THSD7A: variants seen among roughly 807,000 people sequenced by gnomAD.
THSD7A encodes thrombospondin type-1 domain-containing protein 7A.
Under a neutral mutation model 231.3 loss-of-function variants are expected in THSD7A, and 96 were observed. The observed-to-expected ratio is 0.41, with a 90% CI of 0.35 to 0.49. The LOEUF is 0.49. THSD7A is among the 20% of genes least tolerant of loss of function. The pLI is 0.05. For synonymous variants in THSD7A, 940 were observed against 743.3 expected (o/e 1.26, Z -4.30); for missense variants, 2,290 against 2,070.2 (o/e 1.11, Z -2.06).
At chr7:11,545,533 G>T (rs1789343319) in intron 4 of THSD7A, among the ~76,000 whole-genome samples, 1 of 152,120 alleles carries the variant, frequency 6.6e-6, no homozygotes, top group African/African-American at 2.4e-5. Context: ...ATTGAAGGTG[G>T]ACAGAGGGAG....
At chr7:11,405,301 A>C (rs1232060488) in intron 22 of THSD7A, among the ~76,000 whole-genome samples, 2 of 152,098 alleles carry the variant, frequency 1.3e-5, no homozygotes. Flanking sequence ...CTTAAATCAC[A>C]TCCTTTTATA....
intron 4 of THSD7A, among the ~76,000 whole-genome samples, chr7:11,589,638 A>G (rs776543792): frequency 1.2e-4 from 19 of 152,196 alleles, no homozygotes; most frequent in Non-Finnish European, 2.4e-4. Flanking sequence ...AACAAATTGT[A>G]TATGTTAATA....
Position 11,530,797 on chromosome 7 carries a change from G to GGTCA in THSD7A, c.1822+10618_1822+10621dup, listed in dbSNP as rs1400476557. 9.2e-5 allele frequency among the ~76,000 whole-genome samples: 14 copies of GGTCA among 152,232 alleles called. No individual in the cohort carries two copies. The East Asian group carries it at 2.7e-3, about 29-fold the overall frequency. The stretch of plus-strand genomic sequence containing the variant: ...AGGCCGAGGTGGGCAGATCACTTGA[G>GGTCA]GTCAGGAGTTTGAGACCAGCCTGGT... On this transcript the variant is annotated intron_variant, in intron 6 of 27. Transcript: ENST00000423059.
intron 4 of THSD7A, among the ~76,000 whole-genome samples, chr7:11,575,790 C>CTT (rs1458970092): frequency 6.6e-6 from 1 of 152,168 alleles, no homozygotes; most frequent in East Asian, 1.9e-4. Flanking sequence ...CTGAATTACA[C>CTT]TTTGATATTT....
intron 1 of THSD7A, among the ~76,000 whole-genome samples, chr7:11,650,897 G>A (rs894896686): frequency 6.6e-6 from 1 of 151,730 alleles, no homozygotes; most frequent in African/African-American, 2.4e-5. Context: ...TAAATGTTAG[G>A]GACAAAACTG....
At chr7:11,566,331 T>C (rs866956845) in intron 4 of THSD7A, among the ~76,000 whole-genome samples, 1 of 152,192 alleles carries the variant, frequency 6.6e-6, no homozygotes, top group Non-Finnish European at 1.5e-5. Flanking sequence ...GAAAGGGATG[T>C]TTTAAGGAAG....
At position 11,411,422 on chromosome 7, in the gene THSD7A, T is replaced by C; in HGVS notation, c.3683-100A>G. On this transcript the variant is annotated intron_variant, in intron 18 of 27. Coordinates refer to ENST00000423059, the MANE Select transcript of THSD7A (RefSeq NM_015204.3). This position sits in a 1 kb window ranked among gnomAD's most constrained non-coding sequence, Gnocchi z 4.1. ...AATCCCATATTTAATTCACAACTGC[T>C]TCCTAAGCCCCATAATCAATCATCC... The C allele has an allele frequency of 1.3e-6, 1 of 755,902 alleles. No homozygotes were observed. The allele number at this position is 755,902 out of a possible 1,614,324, so 46.8% of individuals were successfully genotyped here.
Position 11,636,646 on chromosome 7 carries a change from G to C in THSD7A, c.506C>G (p.Ala169Gly). The change falls in exon 2 of 28, where the codon GCG (alanine) becomes GGG (glycine). Residue 169 changes from alanine (A) to glycine (G), a missense_variant. Coordinates refer to ENST00000423059, the MANE Select transcript of THSD7A (RefSeq NM_015204.3). The surrounding 1 kb of genome is among the most constrained non-coding windows in gnomAD (Gnocchi z 10.0). ...ACIQKDKDIP[A>G]EDIICEYFEP... ...AAAGTACTCACAGATGATATCCTCCGCAGGAATGTCTTTGTCTTTCTGGAT... is the reference window on the plus strand; with the variant it reads ...AAAGTACTCACAGATGATATCCTCCCCAGGAATGTCTTTGTCTTTCTGGAT... 1 of 1,613,932 alleles carries C rather than the reference G, an allele frequency of 6.2e-7. No individual in the cohort carries two copies. Among genetic ancestry groups the C allele is most frequent in the Non-Finnish European group, 8.5e-7 (1 of 1,179,884 alleles).
chr7:11,727,022 C>CA (rs1349316220), intron 1 of THSD7A, among the ~76,000 whole-genome samples: 1 of 151,950 alleles, frequency 6.6e-6, no homozygotes, highest in Non-Finnish European at 1.5e-5. Flanking sequence ...AGCAAGAGTT[C>CA]CCAGGCTCAC....
At chr7:11,644,000 T>C (rs1782189501) in intron 1 of THSD7A, among the ~76,000 whole-genome samples, 1 of 151,660 alleles carries the variant, frequency 6.6e-6, no homozygotes. Flanking sequence ...TGAGCTCCTA[T>C]TGGAGAAATC....
At chr7:11,734,774 A>G (rs779730814) in intron 1 of THSD7A, among the ~76,000 whole-genome samples, 2 of 151,962 alleles carry the variant, frequency 1.3e-5, no homozygotes, top group African/African-American at 2.4e-5. Flanking sequence ...TACAAGGCAT[A>G]ACACAGTGCT....
chr7:11,685,165 A>G (rs1390384745), intron 1 of THSD7A, among the ~76,000 whole-genome samples: 1 of 151,950 alleles, frequency 6.6e-6, no homozygotes, highest in Non-Finnish European at 1.5e-5. Flanking sequence ...AAAACTGGCT[A>G]ACTATATGCA....
chr7:11,503,370 C>T (rs1424668334), intron 6 of THSD7A, among the ~76,000 whole-genome samples: 2 of 152,126 alleles, frequency 1.3e-5, no homozygotes, highest in Non-Finnish European at 2.9e-5. Flanking sequence ...GGAAGACAAC[C>T]TAGGCAATAC....
At chr7:11,821,531 AAT>A (rs1325470158) in intron 1 of THSD7A, among the ~76,000 whole-genome samples, 6 of 152,144 alleles carry the variant, frequency 3.9e-5, no homozygotes, top group African/African-American at 1.4e-4. Context: ...AAAGAAAAAA[AAT>A]AATAATTTTA....
intron 23 of THSD7A, among the ~76,000 whole-genome samples, chr7:11,393,987 C>T (rs1783083880): frequency 6.6e-6 from 1 of 151,908 alleles, no homozygotes; most frequent in African/African-American, 2.4e-5. Context: ...CAAGACAGGC[C>T]AACATTCAAA....
intron 1 of THSD7A, among the ~76,000 whole-genome samples, chr7:11,717,770 G>C (rs1364881464): frequency 6.6e-6 from 1 of 151,576 alleles, no homozygotes; most frequent in African/African-American, 2.4e-5. Flanking sequence ...CTAAGAAGTA[G>C]ATATGAAGTA....
intron 1 of THSD7A, among the ~76,000 whole-genome samples, chr7:11,680,946 G>A (rs533384379): frequency 2.8e-4 from 42 of 152,146 alleles, no homozygotes; most frequent in Admixed American, 1.4e-3. Context: ...GACTTGGAAC[G>A]AACCCAAATG....
intron 6 of THSD7A, among the ~76,000 whole-genome samples, chr7:11,517,873 T>G (rs1788099441): frequency 6.6e-6 from 1 of 152,194 alleles, no homozygotes; most frequent in African/African-American, 2.4e-5. Context: ...CAACAGAGTA[T>G]TCAAATTTAC....
chr7:11,582,137 T>G (rs1180439510), intron 4 of THSD7A, among the ~76,000 whole-genome samples: 1 of 152,064 alleles, frequency 6.6e-6, no homozygotes, highest in Admixed American at 6.6e-5. Context: ...TATTTTTTTC[T>G]TATTTAGTAC....
Sources: gnomAD v4.1 joint callset for allele counts (sites outside exome capture counted in the v4.1 genomes callset) on GRCh38, gnomAD v4.1.1 for gene constraint, Gnocchi (gnomAD v3.1) non-coding constraint, MANE v1.5 for transcripts, NCBI Gene and HGNC (gene_info 2026-07-23, HGNC 2026-07-21) for gene names.